Variants in SMYD3 observed in about 807,000 individuals in gnomAD.
The protein encoded by SMYD3 is SET and MYND domain containing 3, also known as histone-lysine N-methyltransferase SMYD3.
A neutral mutation model predicts 57.7 loss-of-function variants in SMYD3; 36 were observed. The observed-to-expected ratio is 0.62, with a 90% CI of 0.48 to 0.82. The LOEUF is 0.82. SMYD3 is among the 40% of genes least tolerant of loss of function. SMYD3 has a pLI of 0.00. For synonymous variants in SMYD3, 211 were observed against 195.0 expected (o/e 1.08, Z -0.68); for missense variants, 515 against 538.8 (o/e 0.96, Z 0.44).
At chr1:246,043,716 A>G (rs140559363) in intron 5 of SMYD3, among the ~76,000 whole-genome samples, 371 of 152,346 alleles carry the variant, frequency 2.4e-3, no homozygotes, top group Non-Finnish European at 4.1e-3. Flanking sequence ...TGCTCAGCCA[A>G]TGATGAATAA....
intron 10 of SMYD3, among the ~76,000 whole-genome samples, chr1:245,827,902 G>A (rs1376722777): frequency 6.6e-6 from 1 of 152,180 alleles, no homozygotes; most frequent in Non-Finnish European, 1.5e-5. Flanking sequence ...CTCTCCTGCT[G>A]CTGAGCCCAT....
At chr1:246,161,167 C>T (rs954882621) in intron 5 of SMYD3, among the ~76,000 whole-genome samples, 1 of 152,158 alleles carries the variant, frequency 6.6e-6, no homozygotes, top group African/African-American at 2.4e-5. Context: ...GAACATGCAG[C>T]CTGCCTGGCA....
At chr1:246,077,759 CCT>C (rs1460863169) in intron 5 of SMYD3, among the ~76,000 whole-genome samples, 1 of 151,990 alleles carries the variant, frequency 6.6e-6, no homozygotes, top group Non-Finnish European at 1.5e-5. Context: ...CCTGATTCTT[CCT>C]CTCTGTAATG....
chr1:245,777,173 C>T (rs932716765), intron 10 of SMYD3, among the ~76,000 whole-genome samples: 12 of 152,250 alleles, frequency 7.9e-5, no homozygotes, highest in African/African-American at 2.9e-4. Flanking sequence ...ATTACAGTAA[C>T]AGCAGTTCAT....
At chr1:246,470,436 C>T (rs1459782622) in intron 1 of SMYD3, among the ~76,000 whole-genome samples, 1 of 151,118 alleles carries the variant, frequency 6.6e-6, no homozygotes, top group East Asian at 1.9e-4. Context: ...GCGGAGGTTG[C>T]AGTGCCCAAG....
intron 1 of SMYD3, among the ~76,000 whole-genome samples, chr1:246,456,972 T>G (rs1249830091): frequency 6.6e-6 from 1 of 152,206 alleles, no homozygotes; most frequent in Non-Finnish European, 1.5e-5. Flanking sequence ...AAAATGGTCC[T>G]GTAAAGTCTA....
chr1:245,898,958 A>G (rs780721082), intron 8 of SMYD3, among the ~76,000 whole-genome samples: 12 of 152,228 alleles, frequency 7.9e-5, no homozygotes, highest in Non-Finnish European at 1.6e-4. Context: ...TTTTCCAGAA[A>G]TTAAGCTGCA....
At chr1:245,764,183 G>T in intron 10 of SMYD3, 34 bp from the exon 11 acceptor site, 2 of 1,443,972 alleles carry the variant, frequency 1.4e-6, no homozygotes, top group South Asian at 1.1e-5. Context: ...AGTGTCAGCA[G>T]CCCTCACCTT....
chr1:246,299,272 T>C (rs1479201421), intron 5 of SMYD3, among the ~76,000 whole-genome samples: 2 of 151,994 alleles, frequency 1.3e-5, no homozygotes, highest in African/African-American at 4.8e-5. Flanking sequence ...ATTAGAGAAA[T>C]GCAAAGCAAA....
At chr1:245,772,080 GA>G (rs2046360513) in intron 10 of SMYD3, among the ~76,000 whole-genome samples, 1 of 152,132 alleles carries the variant, frequency 6.6e-6, no homozygotes, top group African/African-American at 2.4e-5. Flanking sequence ...GTTTCCAAAA[GA>G]AAAAGAACTT....
chr1:246,124,373 G>A (rs2061473412), intron 5 of SMYD3, among the ~76,000 whole-genome samples: 2 of 149,334 alleles, frequency 1.3e-5, no homozygotes, highest in Non-Finnish European at 2.9e-5. Context: ...AGAAAGAAAA[G>A]TTACTTCCAG....
At chr1:246,501,204 G>A (rs117650951) in intron 1 of SMYD3, among the ~76,000 whole-genome samples, 11 of 152,290 alleles carry the variant, frequency 7.2e-5, no homozygotes, top group East Asian at 1.9e-4. Flanking sequence ...ACCCAGTAAC[G>A]TCTTTTTACA....
intron 5 of SMYD3, among the ~76,000 whole-genome samples, chr1:246,128,431 T>C (rs1188218681): frequency 1.3e-5 from 2 of 152,204 alleles, no homozygotes; most frequent in African/African-American, 2.4e-5. Flanking sequence ...TATGTATTTG[T>C]GGAAAGAATG....
intron 1 of SMYD3, among the ~76,000 whole-genome samples, chr1:246,362,527 A>G (rs1302513581): frequency 2.0e-5 from 3 of 151,902 alleles, no homozygotes; most frequent in South Asian, 2.1e-4. Context: ...GCTGGACTGT[A>G]CTGCTGCCAT....
In SMYD3 at chr1:245,995,979, G is replaced by GA. The variant is rs1183913248; in HGVS notation, c.532-66043dup. Among the ~76,000 whole-genome samples the GA allele has an allele frequency of 2.5e-3, 381 of 151,160 alleles. 1 individual carries two copies. The highest frequency in any genetic ancestry group is 8.6e-3 in the African/African-American group (354 of 41,280). ...CAGCCAGAAATTGGGCAGATGTATA[G>GA]AAAAAAAAATGAAATGTTATTTTTG... On this transcript the variant is annotated intron_variant, in intron 5 of 11. Transcript: ENST00000490107.
chr1:246,276,560 C>G (rs1250486550), intron 5 of SMYD3, among the ~76,000 whole-genome samples: 2 of 147,370 alleles, frequency 1.4e-5, no homozygotes, highest in East Asian at 2.0e-4. Context: ...TTTAATGTTT[C>G]TAGTGGAGTC....
chr1:245,766,850 T>C (rs1489178292), intron 10 of SMYD3, among the ~76,000 whole-genome samples: 1 of 152,146 alleles, frequency 6.6e-6, no homozygotes, highest in Non-Finnish European at 1.5e-5. Flanking sequence ...CCTGCCCCGG[T>C]AGCTCAGATA....
intron 5 of SMYD3, among the ~76,000 whole-genome samples, chr1:246,223,282 T>C (rs1036513833): frequency 2.0e-5 from 3 of 152,116 alleles, no homozygotes; most frequent in Admixed American, 2.0e-4. Context: ...TTGCCAGAGA[T>C]GGAAGGTGTT....
chr1:246,144,560 C>A (rs1289021105), intron 5 of SMYD3, among the ~76,000 whole-genome samples: 1 of 152,180 alleles, frequency 6.6e-6, no homozygotes, highest in Non-Finnish European at 1.5e-5. Flanking sequence ...AATATACCCT[C>A]CCTGTCAACA....
Sources: allele counts gnomAD v4.1 joint callset (sites outside exome capture counted in the v4.1 genomes callset), GRCh38; gene constraint gnomAD v4.1.1; transcripts MANE v1.5; gene names NCBI Gene and HGNC (gene_info 2026-07-23, HGNC 2026-07-21).